TBC1D14: variants seen among roughly 807,000 people sequenced by gnomAD.
TBC1D14 encodes TBC1 domain family member 14.
Under a neutral mutation model 79.0 loss-of-function variants are expected in TBC1D14, and 26 were observed. The ratio of observed to expected loss-of-function variants is 0.33; its 90% CI spans 0.24 to 0.46. The LOEUF (loss-of-function observed/expected upper bound fraction) is 0.46. Ranked by LOEUF, TBC1D14 falls within the 20% of genes least tolerant of loss-of-function variation. The pLI is 1.00. For synonymous variants in TBC1D14, 394 were observed against 349.9 expected (o/e 1.13, Z -1.40); for missense variants, 769 against 887.6 (o/e 0.87, Z 1.70).
At position 6,950,519 on chromosome 4, in the gene TBC1D14, G is replaced by A. The variant is rs576594536; in HGVS notation, c.723-16785G>A. On this transcript the variant is annotated intron_variant, in intron 2 of 13. Transcript: ENST00000409757. ...CTGGGAAAGCTTTCATTATTTCCTC[G>A]TTAAGTGTGATGTTTGCCATAGGAT... Among the ~76,000 whole-genome samples the A allele has an allele frequency of 8.5e-5, 13 of 152,186 alleles. No individual in the cohort carries two copies. In the South Asian group the frequency reaches 1.5e-3, roughly 17 times the overall value.
At chr4:6,936,216 T>G (rs1712313347) in intron 2 of TBC1D14, among the ~76,000 whole-genome samples, 1 of 152,186 alleles carries the variant, frequency 6.6e-6, no homozygotes, top group Non-Finnish European at 1.5e-5. Flanking sequence ...GTGCACTCTG[T>G]GGGTTTGGAC....
intron 2 of TBC1D14, among the ~76,000 whole-genome samples, chr4:6,957,386 T>TGA (rs959013272): frequency 2.6e-5 from 4 of 152,270 alleles, no homozygotes; most frequent in African/African-American, 9.6e-5. Flanking sequence ...AACATACATT[T>TGA]GAACAAGTAA....
chr4:6,968,106 G>C (rs1165311649), intron 3 of TBC1D14, among the ~76,000 whole-genome samples: 1 of 152,180 alleles, frequency 6.6e-6, no homozygotes, highest in Non-Finnish European at 1.5e-5. Flanking sequence ...AGAGTCTGCT[G>C]TCTGCCCCAA....
intron 1 of TBC1D14, among the ~76,000 whole-genome samples, chr4:6,914,499 T>A (rs1165389628): frequency 6.6e-6 from 1 of 152,204 alleles, no homozygotes; most frequent in African/African-American, 2.4e-5. Flanking sequence ...TGTGTAGCAG[T>A]GGAAACAGTG....
chr4:6,983,531 T>C (rs1577120155), intron 3 of TBC1D14, among the ~76,000 whole-genome samples: 1 of 152,142 alleles, frequency 6.6e-6, no homozygotes, highest in South Asian at 2.1e-4. Flanking sequence ...GTCAAGGTGG[T>C]AGAGGTCATG....
At chr4:6,910,072 G>A (rs1450958973) in intron 1 of TBC1D14, 121 bp downstream of exon 1, 1 of 148,826 alleles carries the variant, frequency 6.7e-6, no homozygotes. Flanking sequence ...GCAGGTCGCC[G>A]GGCGCGGGTC....
At chr4:6,968,729 G>A (rs1282284871) in intron 3 of TBC1D14, among the ~76,000 whole-genome samples, 1 of 152,246 alleles carries the variant, frequency 6.6e-6, no homozygotes, top group African/African-American at 2.4e-5. Flanking sequence ...CTGGCCATGG[G>A]GCCTGTGCGC....
chr4:7,023,967 G>A (rs1346130129), intron 12 of TBC1D14, among the ~76,000 whole-genome samples: 1 of 152,214 alleles, frequency 6.6e-6, no homozygotes, highest in Non-Finnish European at 1.5e-5. Flanking sequence ...ACTGTTAGAA[G>A]GTTCTGATGA....
At chr4:6,981,113 C>G (rs1259183799) in intron 3 of TBC1D14, among the ~76,000 whole-genome samples, 3 of 151,570 alleles carry the variant, frequency 2.0e-5, no homozygotes. Flanking sequence ...CAACCTCTGC[C>G]TCCTGGGTTC....
chr4:6,989,701 C>A (rs550173871), intron 3 of TBC1D14, among the ~76,000 whole-genome samples: 1 of 152,166 alleles, frequency 6.6e-6, no homozygotes, highest in Non-Finnish European at 1.5e-5. Context: ...AAATTAGTTT[C>A]CTCTTTTCCA....
intron 12 of TBC1D14, among the ~76,000 whole-genome samples, chr4:7,020,206 C>G (rs1003381562): frequency 1.4e-4 from 21 of 152,312 alleles, no homozygotes; most frequent in African/African-American, 3.4e-4. Context: ...GGGGAGGACT[C>G]TGGGACACAG....
chr4:6,958,543 C>G (rs1038678961), intron 2 of TBC1D14, among the ~76,000 whole-genome samples: 1 of 152,152 alleles, frequency 6.6e-6, no homozygotes, highest in Non-Finnish European at 1.5e-5. Context: ...ATTCCCCCCA[C>G]TTCAGCCTCC....
rs1218624034 is a variant in TBC1D14, at chr4:6,996,374, T to C, written c.1012T>C (p.Tyr338His). ...AGAAGCTCAGAAGCACAGACAGCAGTATGAAGAAATGGTGGTTCAGGCCAA... is the reference window on the plus strand; with the variant it reads ...AGAAGCTCAGAAGCACAGACAGCAGCATGAAGAAATGGTGGTTCAGGCCAA... ...AEEAQKHRQQ[Y>H]EEMVVQAKKR... The change falls in exon 5 of 14, where the codon TAT (tyrosine) becomes CAT (histidine). Residue 338 changes from tyrosine to histidine, a missense_variant. Tyr to His is a moderately conservative substitution (Grantham distance 83, BLOSUM62 2). Around this residue, in one of 2 missense-constraint regions of TBC1D14, gnomAD observed 367 missense variants for 494.4 expected, o/e 0.74. Coordinates refer to ENST00000409757, the MANE Select transcript of TBC1D14 (RefSeq NM_020773.3). 1 of 1,613,522 alleles carries C rather than the reference T, an allele frequency of 6.2e-7. No individual in the cohort carries two copies. The highest frequency in any genetic ancestry group is 1.3e-5 in the African/African-American group (1 of 74,846).
At chr4:7,021,600 A>G (rs1009345497) in intron 12 of TBC1D14, among the ~76,000 whole-genome samples, 23 of 152,212 alleles carry the variant, frequency 1.5e-4, no homozygotes, top group African/African-American at 5.6e-4. Context: ...CTGTCTTAAC[A>G]AAAAGAAAAG....
intron 2 of TBC1D14, among the ~76,000 whole-genome samples, chr4:6,941,023 G>A (rs1712853486): frequency 6.6e-6 from 1 of 152,152 alleles, no homozygotes; most frequent in Admixed American, 6.6e-5. Context: ...GTAAACACGA[G>A]CGATTTATCT....
intron 11 of TBC1D14, among the ~76,000 whole-genome samples, chr4:7,013,049 C>T (rs1366199143): frequency 6.6e-6 from 1 of 152,196 alleles, no homozygotes; most frequent in Non-Finnish European, 1.5e-5. Context: ...CCAGCTTTCT[C>T]TTTGGAAATG....
intron 12 of TBC1D14, among the ~76,000 whole-genome samples, chr4:7,022,948 A>G: frequency 6.6e-6 from 1 of 152,170 alleles, no homozygotes; most frequent in African/African-American, 2.4e-5. Flanking sequence ...ATGTATGGGT[A>G]TAAACTATAT....
chr4:6,989,639 G>A (rs1006322314), intron 3 of TBC1D14, among the ~76,000 whole-genome samples: 1 of 152,216 alleles, frequency 6.6e-6, no homozygotes, highest in Admixed American at 6.5e-5. Flanking sequence ...GAGCCCTGCT[G>A]GGTTGGAGAT....
intron 7 of TBC1D14, 61 bp from the exon 8 acceptor site, chr4:7,004,783 G>C (rs1016581299): frequency 2.0e-6 from 3 of 1,466,140 alleles, no homozygotes; most frequent in Non-Finnish European, 1.9e-6. Context: ...ACTGTGTTCT[G>C]TGGTGGTTTT....
Sources: gnomAD v4.1 joint callset for allele counts (sites outside exome capture counted in the v4.1 genomes callset) on GRCh38, gnomAD v4.1.1 for gene constraint, gnomAD v4.1.1 regional missense constraint, MANE v1.5 for transcripts, NCBI Gene and HGNC (gene_info 2026-07-23, HGNC 2026-07-21) for gene names.